The following SLC8A1 variants were observed in gnomAD, a reference collection of about 807,000 sequenced individuals.
The protein encoded by SLC8A1 is solute carrier family 8 member A1.
SLC8A1 carries 18 observed loss-of-function variants against 68.3 expected under a neutral mutation model. That is an observed-to-expected ratio of 0.26 (90% CI 0.18 to 0.39). SLC8A1 has a LOEUF of 0.39. SLC8A1 is among the 10% of genes least tolerant of loss of function. SLC8A1 has a pLI of 1.00. For synonymous variants in SLC8A1, 475 were observed against 415.5 expected (o/e 1.14, Z -1.74); for missense variants, 985 against 1,156.7 (o/e 0.85, Z 2.15).
intron 6 of SLC8A1, among the ~76,000 whole-genome samples, chr2:40,154,529 G>A (rs1172305037): frequency 1.5e-5 from 2 of 135,782 alleles, no homozygotes; most frequent in Admixed American, 8.0e-5. Context: ...GGGTTTCACC[G>A]TGTTAGCCAG....
At chr2:40,192,438 G>A (rs1255078664) in intron 2 of SLC8A1, among the ~76,000 whole-genome samples, 1 of 151,912 alleles carries the variant, frequency 6.6e-6, no homozygotes, top group Non-Finnish European at 1.5e-5. Flanking sequence ...TAGAACATGA[G>A]CAAATACTTT....
chr2:40,479,454 AT>A (rs1246979189), intron 1 of SLC8A1, among the ~76,000 whole-genome samples: 6 of 151,956 alleles, frequency 3.9e-5, no homozygotes, highest in South Asian at 2.1e-4. Flanking sequence ...AAAAATAAAC[AT>A]TTTTTTAAGC....
At position 40,293,904 on chromosome 2, in the gene SLC8A1, A is replaced by T. The variant is rs536731565; in HGVS notation, c.1809-116049T>A. ...TCGTAAAACAGAGTATCCAGATGTT[A>T]TTTTAGAAACAGCATTGATTGGGCG... On this transcript the variant is annotated intron_variant, in intron 2 of 7. Coordinates refer to ENST00000406785, the Ensembl canonical transcript of SLC8A1. Among the ~76,000 whole-genome samples, 70 of 152,288 alleles carry T rather than the reference A, an allele frequency of 4.6e-4. 1 individual carries two copies. The highest frequency in any genetic ancestry group is 1.6e-3 in the African/African-American group (68 of 41,574).
At chr2:40,100,949 C>T (rs2033855599) in exon 8 of SLC8A1, 1 of 152,138 alleles carries the variant, frequency 6.6e-6, no homozygotes, top group Admixed American at 6.6e-5. Flanking sequence ...GTTAAGCTTA[C>T]ATTTCCAGCC....
At chr2:40,192,644 A>G (rs535650692) in intron 2 of SLC8A1, among the ~76,000 whole-genome samples, 1 of 152,222 alleles carries the variant, frequency 6.6e-6, no homozygotes, top group African/African-American at 2.4e-5. Flanking sequence ...TACTTTTTGT[A>G]TTATTTAGGC....
intron 2 of SLC8A1, among the ~76,000 whole-genome samples, chr2:40,267,619 T>G (rs946846672): frequency 6.6e-6 from 1 of 152,228 alleles, no homozygotes; most frequent in Non-Finnish European, 1.5e-5. Flanking sequence ...CAGTAACTAT[T>G]TGTGGAATGA....
At chr2:40,185,898 C>CA (rs2050612078) in intron 2 of SLC8A1, among the ~76,000 whole-genome samples, 1 of 152,100 alleles carries the variant, frequency 6.6e-6, no homozygotes, top group Non-Finnish European at 1.5e-5. Flanking sequence ...TTTGCTAGTA[C>CA]AGCCAAATAG....
At chr2:40,210,139 A>T (rs1429975522) in intron 2 of SLC8A1, 2 of 152,180 alleles carry the variant, frequency 1.3e-5, no homozygotes, top group East Asian at 3.9e-4. Context: ...TTAAATTATG[A>T]ATTACCAATC....
chr2:40,444,558 T>A (rs193237643), intron 1 of SLC8A1, among the ~76,000 whole-genome samples: 120 of 152,290 alleles, frequency 7.9e-4, no homozygotes, highest in African/African-American at 2.9e-3. Context: ...ATGTTTCATT[T>A]GCGTCTCTCA....
chr2:40,272,535 A>T lies in SLC8A1; in HGVS notation c.1809-94680T>A, dbSNP rs1024144428. ...TAATCTAGGAGTCCATAGGGGGCTAACACTGCAGAGCCTGTGCTCTGAGGA... is the reference window on the plus strand; with the variant it reads ...TAATCTAGGAGTCCATAGGGGGCTATCACTGCAGAGCCTGTGCTCTGAGGA... On this transcript the variant is annotated intron_variant, in intron 2 of 7. Transcript: ENST00000406785. 2.9e-4 allele frequency among the ~76,000 whole-genome samples: 44 copies of T among 152,338 alleles called. 1 individual carries two copies. The highest frequency in any genetic ancestry group is 6.5e-5 in the Admixed American group (1 of 15,308).
intron 2 of SLC8A1, chr2:40,250,951 A>C (rs1287949776): frequency 2.0e-5 from 3 of 152,200 alleles, no homozygotes; most frequent in Non-Finnish European, 4.4e-5. Context: ...GGGTGGCCCC[A>C]AACTCCCACC....
chr2:40,258,313 G>A (rs2064221137), intron 2 of SLC8A1, among the ~76,000 whole-genome samples: 1 of 152,216 alleles, frequency 6.6e-6, no homozygotes, highest in Admixed American at 6.5e-5. Flanking sequence ...GGCATGCCAA[G>A]AGCAAGAACA....
intron 2 of SLC8A1, among the ~76,000 whole-genome samples, chr2:40,368,265 G>A (rs1676896828): frequency 6.6e-6 from 1 of 151,974 alleles, no homozygotes; most frequent in Admixed American, 6.6e-5. Context: ...CTAGGCCATA[G>A]GCTCCCTTTT....
At chr2:40,141,948 G>C (rs944034105) in intron 6 of SLC8A1, among the ~76,000 whole-genome samples, 6 of 152,122 alleles carry the variant, frequency 3.9e-5, no homozygotes, top group Admixed American at 3.9e-4. Flanking sequence ...GGCCTCAGGA[G>C]AAATCGAACC....
intron 2 of SLC8A1, among the ~76,000 whole-genome samples, chr2:40,233,235 T>C (rs1401339120): frequency 6.6e-6 from 1 of 152,218 alleles, no homozygotes; most frequent in Non-Finnish European, 1.5e-5. Flanking sequence ...AGTGTTCCTA[T>C]TTCTCCACAT....
chr2:40,144,841 G>A (rs1378330547), intron 6 of SLC8A1, among the ~76,000 whole-genome samples: 1 of 152,096 alleles, frequency 6.6e-6, no homozygotes, highest in East Asian at 1.9e-4. Context: ...GCAATGTCAT[G>A]TTATAAGATA....
At chr2:40,473,071 G>T (rs968713287) in intron 1 of SLC8A1, among the ~76,000 whole-genome samples, 1 of 151,712 alleles carries the variant, frequency 6.6e-6, no homozygotes. Context: ...GGGAGGGGGC[G>T]GGAGGGTTGC....
At chr2:40,438,071 T>C (rs940773928) in intron 1 of SLC8A1, among the ~76,000 whole-genome samples, 3 of 152,106 alleles carry the variant, frequency 2.0e-5, no homozygotes, top group African/African-American at 7.2e-5. Flanking sequence ...AACCCAGCAT[T>C]CTAGAAATCT....
chr2:40,168,366 G>A (rs1241826417), intron 4 of SLC8A1, among the ~76,000 whole-genome samples: 2 of 152,136 alleles, frequency 1.3e-5, no homozygotes, highest in South Asian at 2.1e-4. Context: ...GGTGGAATGC[G>A]GAAGTTCATT....
Sources: gnomAD v4.1 joint callset for allele counts (sites outside exome capture counted in the v4.1 genomes callset) on GRCh38, gnomAD v4.1.1 for gene constraint, MANE v1.5 for transcripts, NCBI Gene and HGNC (gene_info 2026-07-23, HGNC 2026-07-21) for gene names.